Variants in FSTL4 observed in about 807,000 individuals in gnomAD.
FSTL4 encodes the protein follistatin-related protein 4.
FSTL4 carries 28 observed loss-of-function variants against 78.2 expected under a neutral mutation model. The ratio of observed to expected loss-of-function variants is 0.36; its 90% CI spans 0.27 to 0.49. The LOEUF is 0.49. Among genes scored for constraint, FSTL4 ranks in the 20% least tolerant of loss-of-function variants. The probability of loss-of-function intolerance (pLI) is 0.98; values close to 1 mark genes in which losing one functional copy is unlikely to be tolerated. For missense variants in FSTL4, 922 were observed against 1,084.9 expected (o/e 0.85, Z 2.11); for synonymous variants, 422 against 440.5 (o/e 0.96, Z 0.53).
intron 4 of FSTL4, chr5:133,334,126 G>C (rs1215005071): frequency 6.6e-6 from 1 of 152,260 alleles, no homozygotes; most frequent in East Asian, 1.9e-4. Context: ...GTCTAGAAAT[G>C]GTTCGAGTTC....
At chr5:133,629,471 C>A in the FSTL4 span, among the ~76,000 whole-genome samples, 1 of 152,054 alleles carries the variant, frequency 6.6e-6, no homozygotes, top group Non-Finnish European at 1.5e-5. Context: ...CTGAATAGAC[C>A]AATAACAAGT....
chr5:133,231,302 T>C (rs1751489098), intron 8 of FSTL4, among the ~76,000 whole-genome samples: 1 of 151,972 alleles, frequency 6.6e-6, no homozygotes. Flanking sequence ...GGGCAGCTCC[T>C]ACCCGTGCCA....
chr5:133,623,065 A>ATCCT, the FSTL4 span, among the ~76,000 whole-genome samples: 2 of 151,570 alleles, frequency 1.3e-5, no homozygotes, highest in Non-Finnish European at 2.9e-5. Context: ...ATTTTTATAC[A>ATCCT]AGGTCTGAGA....
chr5:133,367,719 T>C (rs751303941), intron 4 of FSTL4, among the ~76,000 whole-genome samples: 1 of 151,990 alleles, frequency 6.6e-6, no homozygotes, highest in Non-Finnish European at 1.5e-5. Context: ...TACTGTGGGG[T>C]TTCTGCAGTA....
chr5:133,490,048 A>G (rs1758224915), intron 3 of FSTL4, among the ~76,000 whole-genome samples: 2 of 152,174 alleles, frequency 1.3e-5, no homozygotes, highest in African/African-American at 4.8e-5. Context: ...TCTTTGTCAA[A>G]TCAGTTTCTT....
At chr5:133,463,644 A>C (rs1168921260) in intron 3 of FSTL4, among the ~76,000 whole-genome samples, 1 of 152,244 alleles carries the variant, frequency 6.6e-6, no homozygotes, top group Middle Eastern at 3.2e-3. Flanking sequence ...CTCCTAGGAC[A>C]AATTTCTTAC....
intron 3 of FSTL4, among the ~76,000 whole-genome samples, chr5:133,445,687 A>G (rs1337202824): frequency 2.0e-5 from 3 of 152,214 alleles, no homozygotes; most frequent in Admixed American, 1.3e-4. Context: ...AGGGGCTTCA[A>G]TCGGGGGCTT....
the FSTL4 span, among the ~76,000 whole-genome samples, chr5:133,783,960 A>ATC: frequency 7.4e-6 from 1 of 135,670 alleles, no homozygotes; most frequent in Non-Finnish European, 1.5e-5. Flanking sequence ...GGCCTCCTTT[A>ATC]TCTCTCTGCC....
the FSTL4 span, among the ~76,000 whole-genome samples, chr5:133,769,477 T>C: frequency 6.6e-6 from 1 of 152,204 alleles, no homozygotes; most frequent in Non-Finnish European, 1.5e-5. Context: ...TTTGACTTCC[T>C]GAACATGCCA....
At position 133,382,946 on chromosome 5, in the gene FSTL4, G is replaced by C. The variant is rs372359021; in HGVS notation, c.409+17792C>G. Among the ~76,000 whole-genome samples the C allele has an allele frequency of 2.4e-4, 36 of 152,064 alleles. No homozygotes were observed. In the East Asian group the frequency reaches 5.6e-3, roughly 24 times the overall value. On this transcript the variant is annotated intron_variant, in intron 4 of 15. Transcript: ENST00000265342. ...AGAGAGACAGGGAGAGAGAGAGAAG[G>C]GGGGTGGGAGAAGGAGGAACAGAGC... is the stretch of plus-strand genomic sequence containing the variant.
chr5:133,838,761 G>A, the FSTL4 span, among the ~76,000 whole-genome samples: 1 of 152,358 alleles, frequency 6.6e-6, no homozygotes, highest in South Asian at 2.1e-4. Context: ...ATGGCATAGT[G>A]TTGAAAGTCA....
At chr5:133,329,625 A>AT (rs5871484) in intron 4 of FSTL4, among the ~76,000 whole-genome samples, 152,160 of 152,160 alleles carry the variant, frequency 1, 76,080 homozygotes, top group Non-Finnish European at 1. Flanking sequence ...TCCTTTTCAC[A>AT]TTTTCTGCCT....
chr5:133,507,711 T>C (rs462625), intron 3 of FSTL4, among the ~76,000 whole-genome samples: 19,101 of 151,526 alleles, frequency 0.13, 1,282 homozygotes, highest in Non-Finnish European at 0.15. Flanking sequence ...TTAGTAGAGA[T>C]GGGGTTTCGC....
intron 6 of FSTL4, among the ~76,000 whole-genome samples, chr5:133,251,631 A>G (rs1014732593): frequency 6.6e-6 from 1 of 151,982 alleles, no homozygotes; most frequent in African/African-American, 2.4e-5. Context: ...AGAGAGATGG[A>G]TTTGCAACCG....
At chr5:133,461,743 C>A (rs1757598069) in intron 3 of FSTL4, among the ~76,000 whole-genome samples, 1 of 152,206 alleles carries the variant, frequency 6.6e-6, no homozygotes, top group South Asian at 2.1e-4. Context: ...GCATTTTATA[C>A]CATTTATATG....
chr5:133,510,305 T>C (rs1758700680), intron 3 of FSTL4, among the ~76,000 whole-genome samples: 1 of 152,194 alleles, frequency 6.6e-6, no homozygotes, highest in Admixed American at 6.5e-5. Flanking sequence ...AACACCTTGT[T>C]GGCATCATAT....
chr5:133,402,826 CG>C (rs1472123997), intron 3 of FSTL4, among the ~76,000 whole-genome samples: 3 of 152,094 alleles, frequency 2.0e-5, no homozygotes, highest in Admixed American at 6.5e-5. Flanking sequence ...CCTAAGGAGG[CG>C]GGAATCTCTT....
chr5:133,362,179 G>A (rs2126935470), intron 4 of FSTL4, among the ~76,000 whole-genome samples: 1 of 152,336 alleles, frequency 6.6e-6, no homozygotes, highest in Non-Finnish European at 1.5e-5. Context: ...TGTAGAGGCT[G>A]CCTTCATGCC....
intron 3 of FSTL4, among the ~76,000 whole-genome samples, chr5:133,476,385 G>C (rs1441894887): frequency 6.6e-6 from 1 of 152,120 alleles, no homozygotes; most frequent in Non-Finnish European, 1.5e-5. Context: ...GGCTGACATG[G>C]GCTTGACATG....
Sources: gnomAD v4.1 joint callset for allele counts (sites outside exome capture counted in the v4.1 genomes callset) on GRCh38, gnomAD v4.1.1 for gene constraint, MANE v1.5 for transcripts, NCBI Gene and HGNC (gene_info 2026-07-23, HGNC 2026-07-21) for gene names.